Variants in PIEZO2 observed in about 807,000 individuals in gnomAD.
PIEZO2 encodes piezo-type mechanosensitive ion channel component 2.
In PIEZO2, 172 loss-of-function variants were observed where a neutral mutation model predicts 337.3. The observed-to-expected ratio is 0.51, with a 90% CI of 0.45 to 0.58. The LOEUF (loss-of-function observed/expected upper bound fraction) is 0.58. Among genes scored for constraint, PIEZO2 ranks in the 20% least tolerant of loss-of-function variants. PIEZO2 has a pLI of 0.00. For missense variants in PIEZO2, 3,028 were observed against 3,391.3 expected, an observed-to-expected ratio of 0.89 and a Z score of 2.66; for synonymous variants, 1,251 against 1,228.5, an observed-to-expected ratio of 1.02 and a Z score of -0.38.
chr18:10,756,485 G>T lies in PIEZO2; in HGVS notation c.3923+1484C>A, dbSNP rs564472153. ...AGCTATGAGGATGAGGAGGAGGGAT[G>T]CAGGATGAGAAGGAGAAATGGAGGA... On this transcript the variant is annotated intron_variant, in intron 27 of 55. Transcript: ENST00000674853. 2.4e-3 allele frequency among the ~76,000 whole-genome samples: 368 copies of T among 150,210 alleles called. 2 individuals carry two copies. Among genetic ancestry groups the T allele is most frequent in the African/African-American group, 8.4e-3 (341 of 40,802 alleles).
In PIEZO2 at chr18:10,726,660, A is replaced by G; in HGVS notation, c.5029+4747T>C. The stretch of plus-strand genomic sequence containing the variant: ...GCGCGCGCGCCAAGCGCGGCCAGAC[A>G]GACACCTCGCTGCCAAGTTAATTCA... On this transcript the variant is annotated intron_variant, in intron 36 of 55. Coordinates refer to ENST00000674853, the MANE Select transcript of PIEZO2 (RefSeq NM_001378183.1). The surrounding 1 kb of genome is among the most constrained non-coding windows in gnomAD (Gnocchi z 5.9). 7.0e-7 allele frequency: 1 copy of G among 1,424,416 alleles called. No individual in the cohort carries two copies. Among genetic ancestry groups the G allele is most frequent in the Non-Finnish European group, 9.6e-7 (1 of 1,042,882 alleles). The allele number at this position is 1,424,416 out of a possible 1,614,324, so 88.2% of individuals were successfully genotyped here.
Position 10,698,930 on chromosome 18 carries a change from T to C in PIEZO2, c.6689A>G (p.Gln2230Arg). The change falls in exon 44 of 56, where the codon CAA becomes CGA. Residue 2230 changes from glutamine (Q) to arginine (R), a missense_variant. Gln to Arg is a conservative substitution (Grantham distance 43). Around this residue, in one of 5 missense-constraint regions of PIEZO2, gnomAD observed 1,925 missense variants for 2,051.9 expected, o/e 0.94. Coordinates refer to ENST00000674853, the MANE Select transcript of PIEZO2 (RefSeq NM_001378183.1). ...QRSSFSSNRS[Q>R]RGSTSTRNSS... ...TATATTGTGTCGACAGATACCTCTT[T>C]GGGATCTGTTTGAAGAAAAGCTGGA... 6.5e-7 allele frequency: 1 copy of C among 1,536,316 alleles called. No individual in the cohort carries two copies. The highest frequency in any genetic ancestry group is 8.7e-7 in the Non-Finnish European group (1 of 1,146,906).
At chr18:11,123,029 T>A (rs1249274207) in intron 1 of PIEZO2, among the ~76,000 whole-genome samples, 1 of 152,050 alleles carries the variant, frequency 6.6e-6, no homozygotes, top group Non-Finnish European at 1.5e-5. Context: ...TGTACTTTTT[T>A]AATCTGTCGG....
Position 10,856,230 on chromosome 18 carries a change from CATAA to C in PIEZO2, c.704-668_704-665del, listed in dbSNP as rs755843823. Among the ~76,000 whole-genome samples the C allele has an allele frequency of 1.7e-3, 253 of 152,186 alleles. 1 individual carries two copies. Among genetic ancestry groups the C allele is most frequent in the Non-Finnish European group, 2.1e-3 (140 of 67,986 alleles). ...TCCTTTAAAAGTGTTTTTAAGGAAT[CATAA>C]ATAAAGCCATCACCTTAGGGCAAAA... On this transcript the variant is annotated intron_variant, in intron 6 of 55. Coordinates refer to ENST00000674853, the MANE Select transcript of PIEZO2 (RefSeq NM_001378183.1). The surrounding 1 kb of genome is among the most constrained non-coding windows in gnomAD (Gnocchi z 4.7).
At chr18:10,729,013 C>T (rs1234156522) in intron 36 of PIEZO2, among the ~76,000 whole-genome samples, 1 of 146,900 alleles carries the variant, frequency 6.8e-6, no homozygotes, top group Non-Finnish European at 1.5e-5. Flanking sequence ...TACGTGTGTG[C>T]ACATGAGAAA....
intron 1 of PIEZO2, among the ~76,000 whole-genome samples, chr18:11,108,971 T>C (rs1204800316): frequency 6.6e-6 from 1 of 152,216 alleles, no homozygotes; most frequent in Non-Finnish European, 1.5e-5. Context: ...CAAAGTTATC[T>C]TTCCTTGGGC....
At chr18:10,737,233 C>G (rs1394903628) in intron 33 of PIEZO2, among the ~76,000 whole-genome samples, 1 of 149,974 alleles carries the variant, frequency 6.7e-6, no homozygotes, top group East Asian at 1.9e-4. Context: ...CTGTGCAGAC[C>G]TGACTTCTCC....
In PIEZO2 at chr18:10,865,365, G is replaced by C. The variant is rs564941642; in HGVS notation, c.492+5888C>G. ...AGGGTAAGAAGGGAAGCTCAAGTGG[G>C]GAGATCCATTTAGAACATATTTTCA... On this transcript the variant is annotated intron_variant, in intron 5 of 55. Transcript: ENST00000674853. Among the ~76,000 whole-genome samples, 210 of 152,326 alleles carry C rather than the reference G, an allele frequency of 1.4e-3. 2 individuals are homozygous for C. The highest frequency in any genetic ancestry group is 4.1e-3 in the African/African-American group (170 of 41,560).
Position 11,038,755 on chromosome 18 carries a change from T to C in PIEZO2, c.160+27372A>G, listed in dbSNP as rs963807425. On this transcript the variant is annotated intron_variant, in intron 2 of 55. Coordinates refer to ENST00000674853, the MANE Select transcript of PIEZO2 (RefSeq NM_001378183.1). This position sits in a 1 kb window ranked among gnomAD's most constrained non-coding sequence, Gnocchi z 4.1. ...CTGCATTGATTAAATGTATAATACATGCATACATACAAATAAAATTAGCTC... is the reference window on the plus strand; with the variant it reads ...CTGCATTGATTAAATGTATAATACACGCATACATACAAATAAAATTAGCTC... Among the ~76,000 whole-genome samples the C allele has an allele frequency of 1.3e-5, 2 of 152,232 alleles. No individual in the cohort carries two copies. The highest frequency in any genetic ancestry group is 4.8e-5 in the African/African-American group (2 of 41,458).
chr18:11,042,448 T>C (rs1365881487), intron 2 of PIEZO2, among the ~76,000 whole-genome samples: 1 of 152,232 alleles, frequency 6.6e-6, no homozygotes, highest in Admixed American at 6.5e-5. Flanking sequence ...AAGAGGAAGT[T>C]TGACTACTTC....
Position 11,146,213 on chromosome 18 carries a change from AGGCAAGAC to A in PIEZO2, c.64+2304_64+2311del, listed in dbSNP as rs2040806316. ...TCCTGGGCAGACTCAGCTGTCCCCG[AGGCAAGAC>A]GCAGTTTGCATGTTGGCCAAGGTTA... On this transcript the variant is annotated intron_variant, in intron 1 of 55. Transcript: ENST00000674853. The surrounding 1 kb of genome is among the most constrained non-coding windows in gnomAD (Gnocchi z 6.1). Among the ~76,000 whole-genome samples, 1 of 152,126 alleles carries A rather than the reference AGGCAAGAC, an allele frequency of 6.6e-6. No individual in the cohort carries two copies.
At chr18:10,995,115 A>G (rs1042298343) in intron 2 of PIEZO2, among the ~76,000 whole-genome samples, 7 of 151,242 alleles carry the variant, frequency 4.6e-5, no homozygotes, top group African/African-American at 1.7e-4. Context: ...TTCCCTGCTC[A>G]TCATATCCAT....
At position 10,673,335 on chromosome 18, in the gene PIEZO2, A is replaced by G. The variant is rs1260561542; in HGVS notation, c.8162-462T>C. 6.6e-6 allele frequency among the ~76,000 whole-genome samples: 1 copy of G among 152,218 alleles called. No homozygotes were observed. Among genetic ancestry groups the G allele is most frequent in the African/African-American group, 2.4e-5 (1 of 41,464 alleles). On this transcript the variant is annotated intron_variant, in intron 54 of 55. Transcript: ENST00000674853. This position sits in a 1 kb window ranked among gnomAD's most constrained non-coding sequence, Gnocchi z 4.8. ...TAACATTGTTCCTTATCTCCATGGG[A>G]AAAGACTGTATACACAAGCACAATT...
intron 1 of PIEZO2, among the ~76,000 whole-genome samples, chr18:11,142,241 T>G (rs2040673196): frequency 6.6e-6 from 1 of 152,194 alleles, no homozygotes; most frequent in Non-Finnish European, 1.5e-5. Flanking sequence ...ATTGAAAAAA[T>G]GCAAAGCTAT....
intron 2 of PIEZO2, among the ~76,000 whole-genome samples, chr18:11,020,835 G>A (rs1416265519): frequency 6.6e-6 from 1 of 152,184 alleles, no homozygotes; most frequent in African/African-American, 2.4e-5. Flanking sequence ...TTATAAGAAA[G>A]TTACTGTTCT....
chr18:10,748,066 C>A lies in PIEZO2; in HGVS notation c.4424+405G>T, dbSNP rs977347011. Among the ~76,000 whole-genome samples the A allele has an allele frequency of 1.3e-5, 2 of 151,976 alleles. No individual in the cohort carries two copies. Among genetic ancestry groups the A allele is most frequent in the Non-Finnish European group, 2.9e-5 (2 of 68,008 alleles). On this transcript the variant is annotated intron_variant, in intron 30 of 55. Transcript: ENST00000674853. The surrounding 1 kb of genome is among the most constrained non-coding windows in gnomAD (Gnocchi z 5.1). ...CTAGGGGAAAAAACAGGTAGTAATG[C>A]AAATTGTGTCAGTGGCTCAGAGAAG...
chr18:11,145,028 A>C (rs2040771221), intron 1 of PIEZO2, among the ~76,000 whole-genome samples: 1 of 152,224 alleles, frequency 6.6e-6, no homozygotes, highest in Admixed American at 6.5e-5. Flanking sequence ...AAAGAAACTA[A>C]ACGTAAAATA....
In PIEZO2 at chr18:11,004,164, G is replaced by C. The variant is rs551987668; in HGVS notation, c.161-24504C>G. On this transcript the variant is annotated intron_variant, in intron 2 of 55. Coordinates refer to ENST00000674853, the MANE Select transcript of PIEZO2 (RefSeq NM_001378183.1). ...TCTATGAGAAGCACATGGGTTAGAG[G>C]TGTGAGTAGTGACACCCCTGAGGAC... 1.4e-4 allele frequency among the ~76,000 whole-genome samples: 22 copies of C among 152,302 alleles called. No individual in the cohort carries two copies. The South Asian group carries it at 4.4e-3, about 30-fold the overall frequency.
rs1363199943 is a variant in PIEZO2 at position 10,982,098 on chromosome 18, A to G, written c.161-2438T>C. 6.6e-6 allele frequency among the ~76,000 whole-genome samples: 1 copy of G among 152,218 alleles called. No homozygotes were observed. The highest frequency in any genetic ancestry group is 1.5e-5 in the Non-Finnish European group (1 of 68,028). ...TTGAGATGTCAAACATCCAAACTGC[A>G]TCAGTAGGCATATTTGTCTTTTCTT... On this transcript the variant is annotated intron_variant, in intron 2 of 55. Coordinates refer to ENST00000674853, the MANE Select transcript of PIEZO2 (RefSeq NM_001378183.1). The surrounding 1 kb of genome is among the most constrained non-coding windows in gnomAD (Gnocchi z 4.1).
Sources: gnomAD v4.1 joint callset for allele counts (sites outside exome capture counted in the v4.1 genomes callset) on GRCh38, gnomAD v4.1.1 for gene constraint, gnomAD v4.1.1 regional missense constraint, Gnocchi (gnomAD v3.1) non-coding constraint, MANE v1.5 for transcripts, NCBI Gene and HGNC (gene_info 2026-07-23, HGNC 2026-07-21) for gene names.